Variants in NEK1 observed in about 807,000 individuals in gnomAD.
NEK1 encodes the protein serine/threonine-protein kinase Nek1.
Under a neutral mutation model 182.1 loss-of-function variants are expected in NEK1, and 137 were observed. The ratio of observed to expected loss-of-function variants is 0.75; its 90% CI spans 0.65 to 0.87. The LOEUF is 0.87. NEK1 is among the 40% of genes least tolerant of loss of function. The probability of loss-of-function intolerance (pLI) is 0.00; values close to 1 mark genes in which losing one functional copy is unlikely to be tolerated. For missense variants in NEK1, 1,391 were observed against 1,494.4 expected (o/e 0.93, Z 1.14); for synonymous variants, 513 against 492.2 (o/e 1.04, Z -0.56).
At chr4:169,435,178 G>C (rs1016871111) in intron 28 of NEK1, among the ~76,000 whole-genome samples, 4 of 152,152 alleles carry the variant, frequency 2.6e-5, no homozygotes, top group Non-Finnish European at 5.9e-5. Context: ...AGCACGGTTG[G>C]TTCTAGAGGG....
chr4:169,399,248 C>A (rs758389460), intron 35 of NEK1, among the ~76,000 whole-genome samples: 10 of 151,214 alleles, frequency 6.6e-5, no homozygotes, highest in Non-Finnish European at 1.5e-5. Context: ...CCATCTCACA[C>A]ACACAAAAAA....
intron 27 of NEK1, among the ~76,000 whole-genome samples, chr4:169,440,374 T>C (rs1204399787): frequency 6.6e-6 from 1 of 152,158 alleles, no homozygotes; most frequent in African/African-American, 2.4e-5. Flanking sequence ...TTTCAGGCTG[T>C]TTGATATTTA....
chr4:169,483,128 G>C (rs373779616), intron 23 of NEK1, among the ~76,000 whole-genome samples: 1 of 152,166 alleles, frequency 6.6e-6, no homozygotes, highest in African/African-American at 2.4e-5. Flanking sequence ...AAGTCATTAA[G>C]TGGCCTAATT....
chr4:169,446,603 G>A (rs1740620243), intron 27 of NEK1, among the ~76,000 whole-genome samples: 1 of 151,976 alleles, frequency 6.6e-6, no homozygotes, highest in Non-Finnish European at 1.5e-5. Flanking sequence ...AGAGATATAT[G>A]ACCTTTCAGA....
At chr4:169,448,871 C>A (rs1269964231) in intron 27 of NEK1, among the ~76,000 whole-genome samples, 1 of 152,228 alleles carries the variant, frequency 6.6e-6, no homozygotes, top group African/African-American at 2.4e-5. Context: ...ACCTGGGAAG[C>A]GCAATGAGTC....
chr4:169,495,947 T>C (rs1561293556), intron 23 of NEK1, among the ~76,000 whole-genome samples: 1 of 152,180 alleles, frequency 6.6e-6, no homozygotes, highest in Non-Finnish European at 1.5e-5. Context: ...AAGAAAGTCA[T>C]TGGTAGCTTG....
chr4:169,593,913 C>T (rs986017463), intron 5 of NEK1, among the ~76,000 whole-genome samples: 2 of 150,958 alleles, frequency 1.3e-5, no homozygotes, highest in African/African-American at 2.4e-5. Flanking sequence ...GGCGTGAACC[C>T]GGGAGACGGA....
intron 31 of NEK1, among the ~76,000 whole-genome samples, chr4:169,422,452 G>A (rs1370385573): frequency 2.6e-5 from 4 of 152,148 alleles, no homozygotes; most frequent in Admixed American, 2.0e-4. Context: ...GAAGAGTGAG[G>A]AGGTGGGATC....
chr4:169,592,698 TAA>T (rs56303055), intron 5 of NEK1, among the ~76,000 whole-genome samples: 96 of 146,868 alleles, frequency 6.5e-4, no homozygotes, highest in Admixed American at 1.0e-3. Flanking sequence ...CAATTTTCTT[TAA>T]AAAAAAAAAA....
chr4:169,499,345 G>A (rs368068580), intron 23 of NEK1, among the ~76,000 whole-genome samples: 34 of 151,942 alleles, frequency 2.2e-4, no homozygotes, highest in African/African-American at 7.3e-4. Context: ...CCATGGGTTC[G>A]AACTTCCTCC....
Position 169,433,627 on chromosome 4 carries a change from T to C in NEK1, c.2803A>G (p.Ser935Gly). The stretch of plus-strand genomic sequence containing the variant: ...AAGCTCTCATCTTTGTTTGTTCCAC[T>C]TGGCTCTTGTAGAATTTCTGTTTCC... ...DLETEILQEP[S>G]GTNKDESLPC... is the part of the protein sequence containing the mutation. Residue 935 changes from serine to glycine, a missense_variant, in exon 29 of 36, where the codon AGT becomes GGT. Ser to Gly is a moderately conservative substitution (Grantham distance 56). This residue lies in a region of NEK1 where 1,216 missense variants were observed against 1,277.6 expected (regional missense o/e 0.95). Transcript: ENST00000507142. The C allele has an allele frequency of 1.2e-6, 2 of 1,613,488 alleles. No homozygotes were observed. The highest frequency in any genetic ancestry group is 1.1e-5 in the South Asian group (1 of 91,054).
At chr4:169,588,798 T>A in intron 7 of NEK1, 63 bp from the exon 8 acceptor site, 2 of 1,046,032 alleles carry the variant, frequency 1.9e-6, no homozygotes, top group South Asian at 2.8e-5. Context: ...ATTAATGTTG[T>A]TTTTGGTCTA....
chr4:169,585,632 CCT>C (rs2150071785), intron 9 of NEK1, 83 bp from the exon 10 acceptor site: 1 of 868,866 alleles, frequency 1.2e-6, no homozygotes, highest in African/African-American at 1.7e-5. Flanking sequence ...TAGTTCTTTT[CCT>C]ACCAATATAG....
chr4:169,585,350 TGAG>T lies in NEK1; in HGVS notation c.803_805del (p.Pro268del). 1.2e-6 allele frequency: 2 copies of T among 1,612,006 alleles called. No individual in the cohort carries two copies. Among genetic ancestry groups the T allele is most frequent in the South Asian group, 1.1e-5 (1 of 90,862 alleles). On this transcript the variant is annotated inframe_deletion and splice_region_variant, in exon 10 of 36. Coordinates refer to ENST00000507142, the MANE Select transcript of NEK1 (RefSeq NM_001199397.3). ...AATTTTAAAGGAAAAAGAACTTACC[TGAG>T]GAGAGAGAAACTTTTCAATGCGTTT... is the stretch of plus-strand genomic sequence containing the variant.
At chr4:169,453,181 G>A (rs1242539977) in intron 27 of NEK1, among the ~76,000 whole-genome samples, 1 of 152,120 alleles carries the variant, frequency 6.6e-6, no homozygotes, top group Non-Finnish European at 1.5e-5. Context: ...ACAAATGGAA[G>A]AATATTCCAT....
intron 24 of NEK1, 47 bp downstream of exon 24, chr4:169,479,356 T>C: frequency 6.4e-7 from 1 of 1,551,798 alleles, no homozygotes; most frequent in Non-Finnish European, 8.7e-7. Context: ...AATTTCCTTT[T>C]AAATAATCTT....
At chr4:169,436,279 A>G (rs1266218719) in intron 28 of NEK1, among the ~76,000 whole-genome samples, 1 of 152,252 alleles carries the variant, frequency 6.6e-6, no homozygotes, top group African/African-American at 2.4e-5. Flanking sequence ...GCAGAATTAC[A>G]TATCCGGAAG....
intron 19 of NEK1, among the ~76,000 whole-genome samples, chr4:169,523,640 A>G (rs1282809898): frequency 1.3e-5 from 2 of 152,348 alleles, no homozygotes; most frequent in Admixed American, 6.5e-5. Context: ...TGTTGACGCC[A>G]TTTAGTTTGT....
At chr4:169,507,372 T>A (rs1408451128) in intron 22 of NEK1, among the ~76,000 whole-genome samples, 1 of 151,980 alleles carries the variant, frequency 6.6e-6, no homozygotes, top group African/African-American at 2.4e-5. Context: ...TATATTTGAA[T>A]GTGAAAAAAA....
Sources: gnomAD v4.1 joint callset for allele counts (sites outside exome capture counted in the v4.1 genomes callset) on GRCh38, gnomAD v4.1.1 for gene constraint, gnomAD v4.1.1 regional missense constraint, MANE v1.5 for transcripts, NCBI Gene and HGNC (gene_info 2026-07-23, HGNC 2026-07-21) for gene names.